The following EPHA3 variants were observed in gnomAD, a reference collection of about 807,000 sequenced individuals.
EPHA3 encodes ephrin type-A receptor 3.
Under a neutral mutation model 107.1 loss-of-function variants are expected in EPHA3, and 42 were observed. The ratio of observed to expected loss-of-function variants is 0.39; its 90% CI spans 0.31 to 0.51. The LOEUF (loss-of-function observed/expected upper bound fraction) is 0.51. Ranked by LOEUF, EPHA3 falls within the 20% of genes least tolerant of loss-of-function variation. The probability of loss-of-function intolerance (pLI) is 0.78; values close to 1 mark genes in which losing one functional copy is unlikely to be tolerated. For missense variants in EPHA3, 1,183 were observed against 1,211.2 expected (o/e 0.98, Z 0.35); for synonymous variants, 461 against 424.8 (o/e 1.09, Z -1.05).
At chr3:89,111,303 A>G (rs1707100679) in intron 1 of EPHA3, among the ~76,000 whole-genome samples, 1 of 152,106 alleles carries the variant, frequency 6.6e-6, no homozygotes, top group Non-Finnish European at 1.5e-5. Flanking sequence ...CACTTTTCAT[A>G]TATAAACACT....
At chr3:89,140,600 T>G (rs1003954258) in intron 2 of EPHA3, among the ~76,000 whole-genome samples, 31 of 151,802 alleles carry the variant, frequency 2.0e-4, no homozygotes, top group Non-Finnish European at 5.9e-5. Flanking sequence ...TGAAATTTGC[T>G]TTAGTGATTA....
chr3:89,129,207 A>G lies in EPHA3; in HGVS notation c.153+1934A>G, dbSNP rs1704150305. ...TCTTTGTTCCCCAGAAATCTCTTAT[A>G]ACTTCCACAGTCAAAAGTTTTCAGT... On this transcript the variant is annotated intron_variant, in intron 2 of 16. Coordinates refer to ENST00000336596, the MANE Select transcript of EPHA3 (RefSeq NM_005233.6). 3.9e-5 allele frequency among the ~76,000 whole-genome samples: 6 copies of G among 152,102 alleles called. No homozygotes were observed. The South Asian group carries it at 1.2e-3, about 31-fold the overall frequency.
chr3:89,126,581 A>G (rs953710883), intron 1 of EPHA3, among the ~76,000 whole-genome samples: 1 of 151,704 alleles, frequency 6.6e-6, no homozygotes, highest in Admixed American at 6.6e-5. Context: ...ATTACTTTAA[A>G]TAAGTAAAGC....
intron 5 of EPHA3, among the ~76,000 whole-genome samples, chr3:89,366,191 C>T (rs546652075): frequency 6.6e-6 from 1 of 150,600 alleles, no homozygotes; most frequent in East Asian, 2.0e-4. Context: ...ATACATTCAT[C>T]AGTTTAAGGG....
At chr3:89,278,588 G>A (rs755938124) in intron 3 of EPHA3, among the ~76,000 whole-genome samples, 9 of 151,998 alleles carry the variant, frequency 5.9e-5, no homozygotes, top group Non-Finnish European at 1.2e-4. Flanking sequence ...GACTTCATGC[G>A]CAATGGCCTA....
chr3:89,217,181 T>C (rs1228716959), intron 3 of EPHA3, among the ~76,000 whole-genome samples: 2 of 152,142 alleles, frequency 1.3e-5, no homozygotes, highest in African/African-American at 4.8e-5. Context: ...TAAAGTTTAA[T>C]AGAGAGCAAT....
At chr3:89,161,975 C>G (rs1704955213) in intron 2 of EPHA3, among the ~76,000 whole-genome samples, 1 of 146,402 alleles carries the variant, frequency 6.8e-6, no homozygotes, top group Non-Finnish European at 1.5e-5. Context: ...GAGACTCTGT[C>G]TCAAAATAAT....
intron 13 of EPHA3, among the ~76,000 whole-genome samples, chr3:89,439,951 A>C (rs1709752299): frequency 6.6e-6 from 1 of 152,172 alleles, no homozygotes; most frequent in Non-Finnish European, 1.5e-5. Context: ...ATTTTCCTGT[A>C]TTTCAAGTAA....
chr3:89,452,412 G>C (rs1710011313), intron 15 of EPHA3, among the ~76,000 whole-genome samples: 1 of 151,998 alleles, frequency 6.6e-6, no homozygotes, highest in Non-Finnish European at 1.5e-5. Flanking sequence ...TGAGGTTCTA[G>C]CTCATTGTGG....
chr3:89,386,432 G>A (rs546444152), intron 5 of EPHA3, among the ~76,000 whole-genome samples: 2 of 152,302 alleles, frequency 1.3e-5, no homozygotes, highest in East Asian at 3.9e-4. Context: ...TTAAGATGGT[G>A]CAAGACCCAA....
intron 3 of EPHA3, among the ~76,000 whole-genome samples, chr3:89,310,365 T>C (rs1438935857): frequency 2.0e-5 from 3 of 152,076 alleles, no homozygotes; most frequent in African/African-American, 7.2e-5. Flanking sequence ...CAGACTGCTT[T>C]GGAAAATTCA....
chr3:89,171,191 T>C (rs1705202071), intron 2 of EPHA3, among the ~76,000 whole-genome samples: 1 of 152,184 alleles, frequency 6.6e-6, no homozygotes, highest in Non-Finnish European at 1.5e-5. Context: ...AACTGTTATA[T>C]AGCAGGCTTA....
At chr3:89,174,468 T>C (rs957904598) in intron 2 of EPHA3, among the ~76,000 whole-genome samples, 3 of 152,018 alleles carry the variant, frequency 2.0e-5, no homozygotes, top group African/African-American at 7.2e-5. Context: ...ATTGGGTCTC[T>C]TTTTTAATCC....
intron 13 of EPHA3, among the ~76,000 whole-genome samples, chr3:89,438,680 C>G (rs1451923041): frequency 1.3e-5 from 2 of 152,090 alleles, no homozygotes; most frequent in African/African-American, 2.4e-5. Flanking sequence ...AACAAAATAT[C>G]TAATTTGTGT....
chr3:89,459,954 T>C (rs1710187990), intron 15 of EPHA3, among the ~76,000 whole-genome samples: 3 of 152,212 alleles, frequency 2.0e-5, no homozygotes, highest in Non-Finnish European at 4.4e-5. Flanking sequence ...GAAATACACA[T>C]TTATTTTTTA....
At chr3:89,273,122 A>G (rs1240139770) in intron 3 of EPHA3, among the ~76,000 whole-genome samples, 5 of 151,948 alleles carry the variant, frequency 3.3e-5, no homozygotes, top group Admixed American at 6.6e-5. Context: ...GTTTGTATGC[A>G]TTGTGAGCCA....
chr3:89,289,708 T>C (rs1004513913), intron 3 of EPHA3, among the ~76,000 whole-genome samples: 13 of 152,084 alleles, frequency 8.5e-5, no homozygotes, highest in African/African-American at 3.1e-4. Context: ...TGTGTGCATG[T>C]GTTCATGCAA....
chr3:89,261,933 T>A (rs1705427419), intron 3 of EPHA3, among the ~76,000 whole-genome samples: 1 of 151,568 alleles, frequency 6.6e-6, no homozygotes, highest in Non-Finnish European at 1.5e-5. Flanking sequence ...CACACATACA[T>A]ATGAACACAC....
intron 2 of EPHA3, among the ~76,000 whole-genome samples, chr3:89,193,596 C>A (rs1255259432): frequency 6.6e-6 from 1 of 151,684 alleles, no homozygotes; most frequent in Non-Finnish European, 1.5e-5. Context: ...ACATTTCCAA[C>A]AGAAAGAAAT....
Sources: allele counts gnomAD v4.1 joint callset (sites outside exome capture counted in the v4.1 genomes callset), GRCh38; gene constraint gnomAD v4.1.1; transcripts MANE v1.5; gene names NCBI Gene and HGNC (gene_info 2026-07-23, HGNC 2026-07-21).